Variants in FAM53B observed in about 807,000 individuals in gnomAD.
FAM53B encodes the protein protein FAM53B.
FAM53B carries 12 observed loss-of-function variants against 32.7 expected under a neutral mutation model. That is an observed-to-expected ratio of 0.37 (90% CI 0.24 to 0.59). The LOEUF (loss-of-function observed/expected upper bound fraction) is 0.59. Among genes scored for constraint, FAM53B ranks in the 20% least tolerant of loss-of-function variants. The probability of loss-of-function intolerance (pLI) is 0.72; values close to 1 mark genes in which losing one functional copy is unlikely to be tolerated. For missense variants in FAM53B, 477 were observed against 577.7 expected, an observed-to-expected ratio of 0.83 and a Z score of 1.79; for synonymous variants, 234 against 228.7, an observed-to-expected ratio of 1.02 and a Z score of -0.21.
intron 1 of FAM53B, among the ~76,000 whole-genome samples, chr10:124,714,703 G>C (rs2134092157): frequency 6.8e-6 from 1 of 147,130 alleles, no homozygotes; most frequent in East Asian, 2.0e-4. Context: ...AGCTTGCAGT[G>C]AGCCAAGATC....
chr10:124,642,391 T>C (rs897304), intron 4 of FAM53B, among the ~76,000 whole-genome samples: 142,962 of 152,280 alleles, frequency 0.94, 67,710 homozygotes, highest in Non-Finnish European at 1. Context: ...AGCAAGCCAG[T>C]TTCAAGGGTG....
chr10:124,651,270 CA>C lies in FAM53B; in HGVS notation c.907-27667del, dbSNP rs1228378484. 6.6e-6 allele frequency among the ~76,000 whole-genome samples: 1 copy of C among 152,228 alleles called. No individual in the cohort carries two copies. Among genetic ancestry groups the C allele is most frequent in the Non-Finnish European group, 1.5e-5 (1 of 68,038 alleles). ...TAGCCTTTTCCAGGAGCTGAGGCCC[CA>C]GGGCCCTAACTCAGTTCCCTCGTGT... On this transcript the variant is annotated intron_variant, in intron 4 of 4. Transcript: ENST00000337318. The surrounding 1 kb of genome is among the most constrained non-coding windows in gnomAD (Gnocchi z 5.2).
intron 4 of FAM53B, among the ~76,000 whole-genome samples, chr10:124,668,607 G>T (rs1052436990): frequency 2.0e-5 from 3 of 152,252 alleles, no homozygotes; most frequent in African/African-American, 7.2e-5. Context: ...AGCCAGAAAG[G>T]CACGACAAGA....
At chr10:124,643,798 G>T (rs538011776) in intron 4 of FAM53B, among the ~76,000 whole-genome samples, 1 of 152,228 alleles carries the variant, frequency 6.6e-6, no homozygotes, top group African/African-American at 2.4e-5. Context: ...GAGGCACAGC[G>T]GTGCACGCTG....
Position 124,684,676 on chromosome 10 carries a change from G to A in FAM53B, c.134-2297C>T, listed in dbSNP as rs150190819. 4.8e-4 allele frequency among the ~76,000 whole-genome samples: 73 copies of A among 152,014 alleles called. 1 individual carries two copies. The East Asian group carries it at 0.012, about 25-fold the overall frequency. ...CTGGGATTACAGGCATGTACCACACGCCCAGCTAATTTTTGTATTTTTTGT... is the reference window on the plus strand; with the variant it reads ...CTGGGATTACAGGCATGTACCACACACCCAGCTAATTTTTGTATTTTTTGT... On this transcript the variant is annotated intron_variant, in intron 3 of 4. Coordinates refer to ENST00000337318, the MANE Select transcript of FAM53B (RefSeq NM_014661.4).
intron 4 of FAM53B, among the ~76,000 whole-genome samples, chr10:124,667,657 C>G (rs1284264984): frequency 6.6e-6 from 1 of 152,222 alleles, no homozygotes; most frequent in Non-Finnish European, 1.5e-5. Flanking sequence ...TACAGCCTCC[C>G]AGCCCCGCCC....
chr10:124,632,978 CTAA>C (rs1004309085), intron 4 of FAM53B, among the ~76,000 whole-genome samples: 1 of 152,086 alleles, frequency 6.6e-6, no homozygotes, highest in Non-Finnish European at 1.5e-5. Flanking sequence ...GTGTACAAGG[CTAA>C]TAAGAGCCTC....
At chr10:124,725,392 T>A (rs1289826374) in intron 1 of FAM53B, among the ~76,000 whole-genome samples, 1 of 149,876 alleles carries the variant, frequency 6.7e-6, no homozygotes, top group Non-Finnish European at 1.5e-5. Flanking sequence ...CAGTTGATTC[T>A]GGACATGGTT....
chr10:124,720,093 G>GTGGA (rs1950060001), intron 1 of FAM53B, among the ~76,000 whole-genome samples: 1 of 151,712 alleles, frequency 6.6e-6, no homozygotes, highest in South Asian at 2.1e-4. Flanking sequence ...AACCTGGGAG[G>GTGGA]TGGAGGTTGC....
At chr10:124,667,343 G>C in intron 4 of FAM53B, 1 of 730,312 alleles carries the variant, frequency 1.4e-6, no homozygotes, top group South Asian at 1.5e-5. Context: ...TTGAGTTCTG[G>C]TTTCACTGGA....
intron 2 of FAM53B, among the ~76,000 whole-genome samples, chr10:124,705,962 T>C (rs1016820352): frequency 4.6e-5 from 7 of 152,212 alleles, no homozygotes; most frequent in Non-Finnish European, 1.0e-4. Flanking sequence ...ACAAGACTGC[T>C]TATGACTGAG....
At chr10:124,702,134 C>T (rs1304217417) in intron 2 of FAM53B, among the ~76,000 whole-genome samples, 2 of 152,230 alleles carry the variant, frequency 1.3e-5, no homozygotes, top group African/African-American at 4.8e-5. Flanking sequence ...GGGTGAGCTG[C>T]GCCTCTGGGG....
intron 2 of FAM53B, among the ~76,000 whole-genome samples, chr10:124,699,875 C>T (rs1414741713): frequency 2.0e-5 from 3 of 152,242 alleles, no homozygotes; most frequent in South Asian, 4.1e-4. Flanking sequence ...CTCCCAGCTG[C>T]TCCCACCCTG....
chr10:124,680,103 G>A (rs1437751779), intron 4 of FAM53B, among the ~76,000 whole-genome samples: 1 of 152,154 alleles, frequency 6.6e-6, no homozygotes, highest in African/African-American at 2.4e-5. Context: ...TCCTCTTGGT[G>A]TCCAATAAAT....
chr10:124,650,718 G>A (rs377423808), intron 4 of FAM53B, among the ~76,000 whole-genome samples: 63 of 152,242 alleles, frequency 4.1e-4, no homozygotes, highest in Middle Eastern at 3.4e-3. Context: ...TCCTCCAGAA[G>A]GAAAACTACT....
At chr10:124,716,864 A>C (rs1454703690) in intron 1 of FAM53B, among the ~76,000 whole-genome samples, 1 of 152,032 alleles carries the variant, frequency 6.6e-6, no homozygotes, top group Non-Finnish European at 1.5e-5. Flanking sequence ...GAAGGGAAAG[A>C]ATGGGAAGAG....
Position 124,619,299 on chromosome 10 carries a change from T to C in FAM53B, c.*3943A>G, listed in dbSNP as rs554886940. On this transcript the variant is annotated 3_prime_UTR_variant, in exon 5 of 5. Coordinates refer to ENST00000337318, the MANE Select transcript of FAM53B (RefSeq NM_014661.4). Reference sequence around the variant, plus strand: ...ACAGCTGGCACCAGGCACTTGGGTATTGAACCAGGAAGCTTTATTTACACA... The same window carrying C: ...ACAGCTGGCACCAGGCACTTGGGTACTGAACCAGGAAGCTTTATTTACACA... 418 of 152,932 alleles carry C rather than the reference T, an allele frequency of 2.7e-3. 2 individuals are homozygous for C. Among genetic ancestry groups the C allele is most frequent in the Non-Finnish European group, 4.4e-3 (301 of 68,212 alleles). 9.5% of individuals were successfully genotyped at this position (152,932 alleles called of 1,614,324 possible). A position where few individuals can be genotyped will look rare whatever the true frequency, so the allele number is the denominator to read the frequency against.
Position 124,682,842 on chromosome 10 carries a change from C to T in FAM53B, c.134-463G>A, listed in dbSNP as rs981023257. On this transcript the variant is annotated intron_variant, in intron 3 of 4. Coordinates refer to ENST00000337318, the MANE Select transcript of FAM53B (RefSeq NM_014661.4). The surrounding 1 kb of genome is among the most constrained non-coding windows in gnomAD (Gnocchi z 5.2). ...TGGGACTCGATGCCCTGGCAGAAGACCACAACCAAAGATGTCTCAACAGCT... is the reference window on the plus strand; with the variant it reads ...TGGGACTCGATGCCCTGGCAGAAGATCACAACCAAAGATGTCTCAACAGCT... Among the ~76,000 whole-genome samples the T allele has an allele frequency of 2.0e-5, 3 of 152,240 alleles. No homozygotes were observed. Among genetic ancestry groups the T allele is most frequent in the African/African-American group, 7.2e-5 (3 of 41,460 alleles).
chr10:124,716,533 A>G (rs1188604442), intron 1 of FAM53B, among the ~76,000 whole-genome samples: 1 of 152,218 alleles, frequency 6.6e-6, no homozygotes, highest in Non-Finnish European at 1.5e-5. Context: ...CCAAAAAGCC[A>G]AAACAAATCT....
Sources: allele counts gnomAD v4.1 joint callset (sites outside exome capture counted in the v4.1 genomes callset), GRCh38; gene constraint gnomAD v4.1.1; non-coding constraint Gnocchi (gnomAD v3.1); transcripts MANE v1.5; gene names NCBI Gene and HGNC (gene_info 2026-07-23, HGNC 2026-07-21).